ADD2: variants seen among roughly 807,000 people sequenced by gnomAD.
ADD2 encodes the protein adducin 2, also known as beta-adducin.
Under a neutral mutation model 83.0 loss-of-function variants are expected in ADD2, and 23 were observed. The ratio of observed to expected loss-of-function variants is 0.28; its 90% CI spans 0.20 to 0.39. The LOEUF is 0.39. Ranked by LOEUF, ADD2 falls within the 10% of genes least tolerant of loss-of-function variation. The pLI is 1.00. For synonymous variants in ADD2, 375 were observed against 375.4 expected (o/e 1.00, Z 0.01); for missense variants, 758 against 944.9 (o/e 0.80, Z 2.59).
intron 9 of ADD2, among the ~76,000 whole-genome samples, chr2:70,684,253 T>A (rs1388532810): frequency 5.9e-5 from 9 of 152,230 alleles, no homozygotes; most frequent in Non-Finnish European, 8.8e-5. Context: ...TCTCCTATTT[T>A]TTTTTATTTT....
Position 70,706,050 on chromosome 2 carries a change from C to CTT in ADD2, c.183+175_183+176insAA, listed in dbSNP as rs1671868266. Among the ~76,000 whole-genome samples, 1 of 152,212 alleles carries CTT rather than the reference C, an allele frequency of 6.6e-6. No homozygotes were observed. Among genetic ancestry groups the CTT allele is most frequent in the Non-Finnish European group, 1.5e-5 (1 of 68,050 alleles). On this transcript the variant is annotated intron_variant, in intron 3 of 15. Transcript: ENST00000264436. This position sits in a 1 kb window ranked among gnomAD's most constrained non-coding sequence, Gnocchi z 5.0. Reference sequence around the variant, plus strand: ...ACACAAGCCAGGTTCTGCCATCCACCAGTTACAAGGGAGAGTGTCAAGGCC... The same window carrying CTT: ...ACACAAGCCAGGTTCTGCCATCCACCTTAGTTACAAGGGAGAGTGTCAAGGCC...
intron 1 of ADD2, among the ~76,000 whole-genome samples, chr2:70,747,199 A>G (rs2104517796): frequency 6.6e-6 from 1 of 152,068 alleles, no homozygotes; most frequent in South Asian, 2.1e-4. Context: ...TTTAGTAGAG[A>G]TGGGGTTTCA....
intron 1 of ADD2, among the ~76,000 whole-genome samples, chr2:70,724,591 C>T (rs3771434): frequency 0.62 from 93,765 of 152,150 alleles, 30,295 homozygotes; most frequent in African/African-American, 0.81. Context: ...AGGCCTGCTG[C>T]CATCACTCTT....
intron 15 of ADD2, among the ~76,000 whole-genome samples, chr2:70,668,225 T>G (rs1669738802): frequency 6.6e-6 from 1 of 152,068 alleles, no homozygotes; most frequent in African/African-American, 2.4e-5. Context: ...TCCTCTTATC[T>G]CTCTATATAT....
At chr2:70,688,339 T>C (rs1553370921) in intron 8 of ADD2, among the ~76,000 whole-genome samples, 1 of 152,240 alleles carries the variant, frequency 6.6e-6, no homozygotes, top group African/African-American at 2.4e-5. Flanking sequence ...ATTTTAAAAC[T>C]GGGACTAAAT....
In ADD2 at chr2:70,730,312, C is replaced by A. The variant is rs1411746167; in HGVS notation, c.-153-17128G>T. Among the ~76,000 whole-genome samples the A allele has an allele frequency of 3.9e-5, 6 of 152,220 alleles. No individual in the cohort carries two copies. The South Asian group carries it at 1.2e-3, about 32-fold the overall frequency. ...AGCATGATACCACATCGGGCCTCTG[C>A]ACACAGAGGTTCTTCAAAAGGCAGA... On this transcript the variant is annotated intron_variant, in intron 1 of 15. Coordinates refer to ENST00000264436, the MANE Select transcript of ADD2 (RefSeq NM_001617.4).
intron 1 of ADD2, among the ~76,000 whole-genome samples, chr2:70,726,891 C>G (rs1673031038): frequency 6.6e-6 from 1 of 152,268 alleles, no homozygotes; most frequent in African/African-American, 2.4e-5. Context: ...TACAGAGAGC[C>G]CTTAGCCTAC....
intron 1 of ADD2, among the ~76,000 whole-genome samples, chr2:70,740,548 C>CT (rs1188033459): frequency 6.6e-6 from 1 of 152,160 alleles, no homozygotes; most frequent in Non-Finnish European, 1.5e-5. Context: ...AACACCTCAG[C>CT]TAACAATTTC....
At chr2:70,744,433 T>C (rs1049124839) in intron 1 of ADD2, among the ~76,000 whole-genome samples, 1 of 152,156 alleles carries the variant, frequency 6.6e-6, no homozygotes, top group Non-Finnish European at 1.5e-5. Flanking sequence ...GGACAATACA[T>C]ACAGACATGC....
At chr2:70,680,965 T>C (rs1471847976) in intron 10 of ADD2, among the ~76,000 whole-genome samples, 4 of 152,202 alleles carry the variant, frequency 2.6e-5, no homozygotes, top group Non-Finnish European at 4.4e-5. Flanking sequence ...TAGTTTATAG[T>C]GTAAATGACG....
At chr2:70,746,886 G>A (rs1045601073) in intron 1 of ADD2, among the ~76,000 whole-genome samples, 5 of 151,838 alleles carry the variant, frequency 3.3e-5, no homozygotes, top group Non-Finnish European at 7.4e-5. Flanking sequence ...ATTTACTTAG[G>A]CATCATTGTT....
Position 70,683,764 on chromosome 2 carries a change from A to G in ADD2, c.952T>C (p.Ser318Pro). The change falls in exon 10 of 16, where the codon TCG becomes CCG. Residue 318 changes from serine (S) to proline (P), a missense_variant. Transcript: ENST00000264436. ...HLQAACEIQV[S>P]ALSSAGGVEN... is the part of the protein sequence containing the mutation. ...ACTCCCCCGGCACTGGACAGAGCCG[A>G]CACCTGTAGCAAAGAGCAGAGAGCC... is the stretch of plus-strand genomic sequence containing the variant. 1 of 1,609,708 alleles carries G rather than the reference A, an allele frequency of 6.2e-7. No individual in the cohort carries two copies. The highest frequency in any genetic ancestry group is 8.5e-7 in the Non-Finnish European group (1 of 1,176,546).
At chr2:70,754,014 A>G (rs3771408) in intron 1 of ADD2, among the ~76,000 whole-genome samples, 104,561 of 152,074 alleles carry the variant, frequency 0.69, 37,603 homozygotes, top group East Asian at 0.92. Context: ...TGATACAAAA[A>G]GACAGAAGCC....
chr2:70,712,452 T>TAAAAAAAAA (rs1308235441), intron 2 of ADD2, among the ~76,000 whole-genome samples: 1 of 128,342 alleles, frequency 7.8e-6, no homozygotes, highest in Non-Finnish European at 1.7e-5. Context: ...TCAAAAAAAA[T>TAAAAAAAAA]AAATAAATAA....
At chr2:70,712,057 CATA>C (rs781995358) in intron 2 of ADD2, among the ~76,000 whole-genome samples, 7 of 152,170 alleles carry the variant, frequency 4.6e-5, no homozygotes, top group Non-Finnish European at 7.3e-5. Context: ...GAATTGGTGA[CATA>C]ATATTACCAG....
chr2:70,747,203 G>T (rs1674254866), intron 1 of ADD2, among the ~76,000 whole-genome samples: 1 of 151,936 alleles, frequency 6.6e-6, no homozygotes, highest in Non-Finnish European at 1.5e-5. Context: ...GTAGAGATGG[G>T]GTTTCACCGT....
At chr2:70,670,536 C>T (rs1553366897) in intron 15 of ADD2, among the ~76,000 whole-genome samples, 1 of 152,170 alleles carries the variant, frequency 6.6e-6, no homozygotes, top group African/African-American at 2.4e-5. Context: ...GCACAGATGA[C>T]CAGATGCAAA....
At chr2:70,764,887 C>T (rs1471613734) in intron 1 of ADD2, among the ~76,000 whole-genome samples, 2 of 151,984 alleles carry the variant, frequency 1.3e-5, no homozygotes, top group Admixed American at 1.3e-4. Flanking sequence ...CGTATATCTT[C>T]AGAACCCCAG....
In ADD2 at chr2:70,706,362, T is replaced by TGCGGGGGCGGCGGCGAGGCAGCC; in HGVS notation, c.24_46dup (p.Gln16ArgfsTer40). ...GAAGCGGTCAAAGTAAGGCTGCCCC[T>TGCGGGGGCGGCGGCGAGGCAGCC]GCGGGGGCGGCGGCGAGGCAGCCTC... On this transcript the variant is annotated frameshift_variant, in exon 3 of 16. Transcript: ENST00000264436. LOFTEE classifies it high-confidence loss of function. This position sits in a 1 kb window ranked among gnomAD's most constrained non-coding sequence, Gnocchi z 5.0. 6.2e-7 allele frequency: 1 copy of TGCGGGGGCGGCGGCGAGGCAGCC among 1,612,226 alleles called. No homozygotes were observed. Among genetic ancestry groups the TGCGGGGGCGGCGGCGAGGCAGCC allele is most frequent in the Non-Finnish European group, 8.5e-7 (1 of 1,179,030 alleles).
Sources: gnomAD v4.1 joint callset for allele counts (sites outside exome capture counted in the v4.1 genomes callset) on GRCh38, gnomAD v4.1.1 for gene constraint, Gnocchi (gnomAD v3.1) non-coding constraint, MANE v1.5 for transcripts, NCBI Gene and HGNC (gene_info 2026-07-23, HGNC 2026-07-21) for gene names.